SYTL3: variants seen among roughly 807,000 people sequenced by gnomAD.
The protein encoded by SYTL3 is synaptotagmin-like protein 3.
A neutral mutation model predicts 82.1 loss-of-function variants in SYTL3; 88 were observed. The observed-to-expected ratio is 1.07, with a 90% confidence interval of 0.90 to 1.28. SYTL3 has a LOEUF of 1.28. SYTL3 is among the 50% of genes most tolerant of loss of function. SYTL3 has a pLI of 0.00. For synonymous variants in SYTL3, 311 were observed against 289.4 expected (o/e 1.07, Z -0.76); for missense variants, 831 against 757.6 (o/e 1.10, Z -1.14).
chr6:158,722,762 G>GTTTTTTTTTTTTTTTTT (rs34189391), intron 10 of SYTL3, among the ~76,000 whole-genome samples: 2 of 80,896 alleles, frequency 2.5e-5, no homozygotes, highest in African/African-American at 5.4e-5. Flanking sequence ...TCTCTTTTCT[G>GTTTTTTTTTTTTTTTTT]TTTTTTTTTT....
intron 6 of SYTL3, among the ~76,000 whole-genome samples, chr6:158,698,764 A>G (rs924629716): frequency 6.6e-6 from 1 of 152,214 alleles, no homozygotes; most frequent in Non-Finnish European, 1.5e-5. Flanking sequence ...CAGATACAGC[A>G]AAGTGTATTG....
At chr6:158,645,817 C>A (rs1020567520), upstream of SYTL3, among the ~76,000 whole-genome samples, 1 of 152,154 alleles carries the variant, frequency 6.6e-6, no homozygotes, top group African/African-American at 2.4e-5. Context: ...AGTTGTCAGA[C>A]TATAGACTAA....
At chr6:158,657,425 C>CAAAAAAAAAAAAA (rs535361947) in intron 2 of SYTL3, among the ~76,000 whole-genome samples, 3 of 80,114 alleles carry the variant, frequency 3.7e-5, no homozygotes, top group African/African-American at 1.0e-4. Context: ...GACTCTGGCT[C>CAAAAAAAAAAAAA]AAAAAAAAAA....
At chr6:158,652,789 C>T (rs1788192066) in intron 2 of SYTL3, among the ~76,000 whole-genome samples, 1 of 152,204 alleles carries the variant, frequency 6.6e-6, no homozygotes, top group African/African-American at 2.4e-5. Flanking sequence ...GATCCACCCA[C>T]CTCAGCTTCC....
intron 6 of SYTL3, among the ~76,000 whole-genome samples, chr6:158,693,697 TTTTCTTTC>T (rs974618294): frequency 1.0e-4 from 13 of 130,568 alleles, no homozygotes; most frequent in South Asian, 2.1e-4. Context: ...TTTCTTTTCG[TTTTCTTTC>T]TTTCTTTCTT....
At position 158,718,114 on chromosome 6, in the gene SYTL3, C is replaced by G. The variant is rs1289150523; in HGVS notation, c.623C>G (p.Thr208Ser). The change falls in exon 10 of 18, where the codon ACT becomes AGT. Residue 208 changes from threonine (T) to serine (S), a missense_variant. Coordinates refer to ENST00000611299, the MANE Select transcript of SYTL3 (RefSeq NM_001242394.2). ...KKLSKSQNDM[T>S]SEKHLLATGP... ...CTCTCCAAATCCCAGAATGATATGA[C>G]TTCTGAGAAGCATCTTCTCGCCACG... 6.5e-7 allele frequency: 1 copy of G among 1,546,190 alleles called. No individual in the cohort carries two copies. Among genetic ancestry groups the G allele is most frequent in the Admixed American group, 2.0e-5 (1 of 50,492 alleles).
At chr6:158,691,252 C>T (rs1290032737) in intron 6 of SYTL3, among the ~76,000 whole-genome samples, 26 of 151,830 alleles carry the variant, frequency 1.7e-4, no homozygotes, top group Admixed American at 1.7e-3. Context: ...GGGGTTGAGG[C>T]AGGAGAATCG....
chr6:158,763,228 C>A, intron 16 of SYTL3, 76 bp from the exon 17 acceptor site: 1 of 1,409,932 alleles, frequency 7.1e-7, no homozygotes, highest in Non-Finnish European at 1.0e-6. Flanking sequence ...TGCTTCCCGT[C>A]TGCACTGACG....
chr6:158,722,762 G>GTTTTTTTT lies in SYTL3; in HGVS notation c.721-2722_721-2715dup, dbSNP rs34189391. On this transcript the variant is annotated intron_variant, in intron 10 of 17. Coordinates refer to ENST00000611299, the MANE Select transcript of SYTL3 (RefSeq NM_001242394.2). ...AGGAAAAAGATTTTCTCTCTTTTCT[G>GTTTTTTTT]TTTTTTTTTTTTTTTTTTTTTTTTT... 3.9e-3 allele frequency among the ~76,000 whole-genome samples: 318 copies of GTTTTTTTT among 80,870 alleles called. 22 individuals carry two copies. The highest frequency in any genetic ancestry group is 0.011 in the African/African-American group (208 of 18,478). 53.1% of individuals were successfully genotyped at this position (80,870 alleles called of 152,430 possible).
upstream of SYTL3, among the ~76,000 whole-genome samples, chr6:158,648,772 A>C (rs1021369897): frequency 2.0e-5 from 3 of 152,290 alleles, no homozygotes; most frequent in African/African-American, 4.8e-5. Flanking sequence ...TAACAGAAGA[A>C]GACGATGAGG....
rs551332776 is a variant in SYTL3 at position 158,707,225 on chromosome 6, C to T, written c.395-5C>T. ...ATAAACGCCCTCTATGGATATCTCT[C>T]GCAGGCAAACATGAGACAGTTGGAG... is the stretch of plus-strand genomic sequence containing the variant. On this transcript the variant is annotated splice_region_variant and splice_polypyrimidine_tract_variant and intron_variant, in intron 6 of 17. Coordinates refer to ENST00000611299, the MANE Select transcript of SYTL3 (RefSeq NM_001242394.2). 1.4e-5 allele frequency: 22 copies of T among 1,613,712 alleles called. No individual in the cohort carries two copies. Among genetic ancestry groups the T allele is most frequent in the Admixed American group, 1.0e-4 (6 of 60,026 alleles).
intron 5 of SYTL3, among the ~76,000 whole-genome samples, chr6:158,669,788 G>C (rs1167583864): frequency 6.6e-6 from 1 of 152,184 alleles, no homozygotes; most frequent in East Asian, 1.9e-4. Context: ...TTATCAAAAG[G>C]GAGGTGAGCT....
chr6:158,672,221 G>A (rs1306231505), intron 5 of SYTL3, among the ~76,000 whole-genome samples: 6 of 152,142 alleles, frequency 3.9e-5, no homozygotes, highest in African/African-American at 1.2e-4. Context: ...AACCCGGGAG[G>A]CGGAGGTTGC....
intron 8 of SYTL3, among the ~76,000 whole-genome samples, chr6:158,712,976 G>C (rs1348666285): frequency 6.6e-6 from 1 of 151,840 alleles, no homozygotes; most frequent in Non-Finnish European, 1.5e-5. Context: ...TAGCCAGGAT[G>C]GTCTCGATCT....
intron 6 of SYTL3, among the ~76,000 whole-genome samples, chr6:158,702,882 C>G (rs977244200): frequency 2.0e-5 from 3 of 151,850 alleles, no homozygotes; most frequent in Middle Eastern, 3.2e-3. Flanking sequence ...GGGCCTGGCA[C>G]AGTGGCTCAC....
chr6:158,663,373 G>A lies in SYTL3; in HGVS notation c.105G>A (p.Arg35=), dbSNP rs1230654017. ...CGGTTCAAAACACAGAGGAGGAGAG[G>A]ACACGGTAGGCTGCCCTTCCCGGGG... ...DQAVQNTEEE[R]TRKLKTHLQH... Residue 35 remains arginine, a synonymous_variant, in exon 4 of 18, where the codon AGG becomes AGA. Transcript: ENST00000611299. 1.4e-5 allele frequency: 23 copies of A among 1,613,426 alleles called. No individual in the cohort carries two copies. Among genetic ancestry groups the A allele is most frequent in the Non-Finnish European group, 1.7e-5 (20 of 1,179,994 alleles).
rs1014291317 is a variant in SYTL3, at chr6:158,762,312, CA to C, written c.1517+136del. The C allele has an allele frequency of 6.1e-6, 4 of 657,986 alleles. No individual in the cohort carries two copies. The African/African-American group carries it at 7.3e-5, about 12-fold the overall frequency. 40.8% of individuals were successfully genotyped at this position (657,986 alleles called of 1,614,324 possible). A position where few individuals can be genotyped will look rare whatever the true frequency, so the allele number is the denominator to read the frequency against. Reference sequence around the variant, plus strand: ...TTTTAGCTTTCCTATGAAAATCTAACAACACATATTAAAGACCCTGATTTCC... The same window carrying C: ...TTTTAGCTTTCCTATGAAAATCTAACACACATATTAAAGACCCTGATTTCC... On this transcript the variant is annotated intron_variant, in intron 16 of 17. Coordinates refer to ENST00000611299, the MANE Select transcript of SYTL3 (RefSeq NM_001242394.2).
chr6:158,698,879 C>T (rs1780851343), intron 6 of SYTL3, among the ~76,000 whole-genome samples: 1 of 152,148 alleles, frequency 6.6e-6, no homozygotes, highest in South Asian at 2.1e-4. Context: ...TTAGATAGCC[C>T]CACCTGTGCT....
chr6:158,733,431 A>G (rs1785678832), intron 11 of SYTL3, among the ~76,000 whole-genome samples: 1 of 151,934 alleles, frequency 6.6e-6, no homozygotes, highest in Non-Finnish European at 1.5e-5. Flanking sequence ...GGTTCACGCC[A>G]TTCTTCTGCC....
Sources: gnomAD v4.1 joint callset for allele counts (sites outside exome capture counted in the v4.1 genomes callset) on GRCh38, gnomAD v4.1.1 for gene constraint, MANE v1.5 for transcripts, NCBI Gene and HGNC (gene_info 2026-07-23, HGNC 2026-07-21) for gene names.